The following FARP2 variants were observed in gnomAD, a reference collection of about 807,000 sequenced individuals.
FARP2 encodes FERM, ARHGEF and pleckstrin domain-containing protein 2.
FARP2 carries 111 observed loss-of-function variants against 130.5 expected under a neutral mutation model. The observed-to-expected ratio is 0.85, with a 90% CI of 0.73 to 1.00. The LOEUF (loss-of-function observed/expected upper bound fraction) is 1.00, where lower values mean the gene tolerates loss of function less well. Ranked by LOEUF, FARP2 falls within the 50% of genes least tolerant of loss-of-function variation. The pLI, the probability that FARP2 is intolerant of heterozygous loss-of-function variation, is 0.00. For missense variants in FARP2, 1,385 were observed against 1,346.3 expected (o/e 1.03, Z -0.45); for synonymous variants, 504 against 516.9 (o/e 0.98, Z 0.34).
intron 1 of FARP2, among the ~76,000 whole-genome samples, chr2:241,366,189 A>G (rs1365263057): frequency 6.7e-6 from 1 of 148,410 alleles, no homozygotes; most frequent in Non-Finnish European, 1.5e-5. Flanking sequence ...TTAGCATGCC[A>G]TGCACCTGGT....
At chr2:241,486,287 CTTTTTTTT>C (rs71406464) in intron 21 of FARP2, among the ~76,000 whole-genome samples, 2 of 103,896 alleles carry the variant, frequency 1.9e-5, no homozygotes, top group Non-Finnish European at 3.7e-5. Flanking sequence ...CTCCAAAAAT[CTTTTTTTT>C]TTTTTTTTTT....
At chr2:241,462,663 C>T (rs371510656) in intron 15 of FARP2, 51 bp downstream of exon 15, 7 of 1,162,248 alleles carry the variant, frequency 6.0e-6, no homozygotes, top group Non-Finnish European at 7.7e-6. Context: ...AATCTCTCAT[C>T]TGAACACAGA....
intron 26 of FARP2, 153 bp downstream of exon 26, chr2:241,493,597 G>GTTTGT: frequency 3.6e-6 from 2 of 559,588 alleles, no homozygotes; most frequent in South Asian, 2.2e-5. Flanking sequence ...GCAATGCTTT[G>GTTTGT]TTTTTTTTTT....
intron 7 of FARP2, among the ~76,000 whole-genome samples, chr2:241,415,235 C>T (rs557012608): frequency 6.6e-6 from 1 of 152,256 alleles, no homozygotes; most frequent in African/African-American, 2.4e-5. Flanking sequence ...CCCAGGTACC[C>T]TTGGCTTTGC....
At chr2:241,405,676 G>A (rs569573351) in intron 4 of FARP2, among the ~76,000 whole-genome samples, 1 of 152,170 alleles carries the variant, frequency 6.6e-6, no homozygotes, top group Admixed American at 6.5e-5. Flanking sequence ...GCTCATGCCT[G>A]TAATCTTAGC....
intron 1 of FARP2, among the ~76,000 whole-genome samples, chr2:241,361,707 A>G (rs1225514569): frequency 6.6e-6 from 1 of 152,086 alleles, no homozygotes; most frequent in Non-Finnish European, 1.5e-5. Context: ...TAGTGGGGGT[A>G]GTTTCCTGGT....
At chr2:241,362,471 G>A (rs75486176) in intron 1 of FARP2, among the ~76,000 whole-genome samples, 5,067 of 151,940 alleles carry the variant, frequency 0.033, 507 homozygotes, top group Admixed American at 0.19. Flanking sequence ...GCATGGTGGC[G>A]GGCGCCTGTG....
intron 2 of FARP2, among the ~76,000 whole-genome samples, chr2:241,402,876 ATATATTTTTTTTTTTTTTTTT>A (rs2062227159): frequency 9.6e-5 from 1 of 10,452 alleles, no homozygotes; most frequent in Admixed American, 8.2e-4. Context: ...ATATATATAT[ATATATTTTTTTTTTTTTTTTT>A]TTTTTTTTTT....
chr2:241,466,947 TAA>T (rs111497599), intron 17 of FARP2, among the ~76,000 whole-genome samples: 4 of 145,214 alleles, frequency 2.8e-5, no homozygotes, highest in Admixed American at 6.9e-5. Flanking sequence ...AGTGTTTTGT[TAA>T]AAAAAAAAAA....
intron 8 of FARP2, among the ~76,000 whole-genome samples, chr2:241,427,851 C>T (rs1308179043): frequency 1.3e-5 from 2 of 152,006 alleles, no homozygotes; most frequent in African/African-American, 2.4e-5. Context: ...CTGCAACCTC[C>T]GCCTCCCAGC....
chr2:241,477,595 A>C (rs543665580), intron 19 of FARP2, among the ~76,000 whole-genome samples: 6 of 152,344 alleles, frequency 3.9e-5, no homozygotes, highest in Admixed American at 1.3e-4. Flanking sequence ...AGTTTTGAGT[A>C]TATACCATAT....
At chr2:241,455,224 AGGAGTCACCAT>A (rs1445159367) in intron 13 of FARP2, among the ~76,000 whole-genome samples, 1 of 152,244 alleles carries the variant, frequency 6.6e-6, no homozygotes, top group African/African-American at 2.4e-5. Flanking sequence ...GGGTGGAGTA[AGGAGTCACCAT>A]GGTGTGGCAT....
At chr2:241,467,223 T>C (rs974332442) in intron 17 of FARP2, among the ~76,000 whole-genome samples, 7 of 152,290 alleles carry the variant, frequency 4.6e-5, no homozygotes, top group Admixed American at 4.6e-4. Flanking sequence ...ACCACTGCAC[T>C]CCAGCCTAGG....
chr2:241,429,382 G>T (rs2063036379), intron 8 of FARP2, among the ~76,000 whole-genome samples: 1 of 152,178 alleles, frequency 6.6e-6, no homozygotes, highest in South Asian at 2.1e-4. Context: ...CATTTTGGAA[G>T]ATTACAGGGC....
At chr2:241,392,441 A>G (rs923665469) in intron 2 of FARP2, among the ~76,000 whole-genome samples, 13 of 152,222 alleles carry the variant, frequency 8.5e-5, no homozygotes, top group African/African-American at 2.4e-4. Context: ...GGGGGATTTC[A>G]TGTTGTACTG....
At chr2:241,448,248 C>T (rs373357192) in intron 13 of FARP2, among the ~76,000 whole-genome samples, 3 of 152,220 alleles carry the variant, frequency 2.0e-5, no homozygotes, top group Non-Finnish European at 2.9e-5. Flanking sequence ...TGGGGCCACC[C>T]CTGCCCAGCA....
At chr2:241,417,603 G>A (rs369470587) in intron 7 of FARP2, among the ~76,000 whole-genome samples, 3 of 151,532 alleles carry the variant, frequency 2.0e-5, no homozygotes, top group Non-Finnish European at 2.9e-5. Flanking sequence ...GATTACAGGC[G>A]TCAGCCACTG....
Position 241,434,956 on chromosome 2 carries a change from TCA to T in FARP2, c.1032-3_1032-2del. ...CTTTATTAAAAATCTGAATCTTTAT[TCA>T]CAGTGGAAGAACTCAGAAACAACTA... On this transcript the variant is annotated splice_polypyrimidine_tract_variant and splice_region_variant and intron_variant, in intron 10 of 26. Transcript: ENST00000264042. 6.6e-7 allele frequency: 1 copy of T among 1,524,996 alleles called. No individual in the cohort carries two copies. The highest frequency in any genetic ancestry group is 9.0e-7 in the Non-Finnish European group (1 of 1,108,448). The allele number at this position is 1,524,996 out of a possible 1,614,324, so 94.5% of individuals were successfully genotyped here.
chr2:241,422,692 A>G (rs2062841561), intron 8 of FARP2, among the ~76,000 whole-genome samples: 1 of 152,192 alleles, frequency 6.6e-6, no homozygotes, highest in African/African-American at 2.4e-5. Context: ...CTAAAGGAGC[A>G]TGTTGTAACC....
Sources: gnomAD v4.1 joint callset for allele counts (sites outside exome capture counted in the v4.1 genomes callset) on GRCh38, gnomAD v4.1.1 for gene constraint, MANE v1.5 for transcripts, NCBI Gene and HGNC (gene_info 2026-07-23, HGNC 2026-07-21) for gene names.